PHF21A: variants seen among roughly 807,000 people sequenced by gnomAD.
The protein encoded by PHF21A is BHC80a.
PHF21A carries 11 observed loss-of-function variants against 82.5 expected under a neutral mutation model. The ratio of observed to expected loss-of-function variants is 0.13; its 90% confidence interval spans 0.08 to 0.22. The LOEUF is 0.22. PHF21A is among the 10% of genes least tolerant of loss of function. The probability of loss-of-function intolerance (pLI) is 1.00; values close to 1 mark genes in which losing one functional copy is unlikely to be tolerated. For missense variants in PHF21A, 579 were observed against 837.8 expected (o/e 0.69, Z 3.81); for synonymous variants, 297 against 302.8 (o/e 0.98, Z 0.20).
chr11:46,085,700 A>G (rs1450286729), intron 3 of PHF21A, among the ~76,000 whole-genome samples: 1 of 152,184 alleles, frequency 6.6e-6, no homozygotes, highest in Non-Finnish European at 1.5e-5. Context: ...CATGATCTTC[A>G]TATTTCTAAA....
chr11:46,072,157 A>G (rs2096663624), intron 6 of PHF21A, among the ~76,000 whole-genome samples: 1 of 152,236 alleles, frequency 6.6e-6, no homozygotes, highest in South Asian at 2.1e-4. Context: ...CTGTAATAGA[A>G]AATGCTAATT....
At chr11:46,011,850 T>C (rs2095420385) in intron 6 of PHF21A, among the ~76,000 whole-genome samples, 1 of 152,202 alleles carries the variant, frequency 6.6e-6, no homozygotes, top group African/African-American at 2.4e-5. Context: ...ATTCTCTCTA[T>C]GCAACACAAC....
chr11:45,983,773 G>A (rs2094392865), intron 6 of PHF21A, among the ~76,000 whole-genome samples: 1 of 152,082 alleles, frequency 6.6e-6, no homozygotes, highest in African/African-American at 2.4e-5. Flanking sequence ...ACTTCAGAGG[G>A]ACCCCGGATT....
intron 6 of PHF21A, among the ~76,000 whole-genome samples, chr11:46,005,947 T>A (rs903448521): frequency 2.0e-5 from 3 of 152,128 alleles, no homozygotes; most frequent in African/African-American, 7.2e-5. Flanking sequence ...AAATAAAACA[T>A]ACAATTTTAA....
chr11:46,028,053 GA>G (rs2095787747), intron 6 of PHF21A, among the ~76,000 whole-genome samples: 1 of 151,168 alleles, frequency 6.6e-6, no homozygotes, highest in Admixed American at 6.6e-5. Flanking sequence ...GCTAGTAGCT[GA>G]TTCTCTAAAT....
intron 9 of PHF21A, among the ~76,000 whole-genome samples, chr11:45,969,260 T>C (rs947141597): frequency 6.6e-5 from 10 of 152,202 alleles, no homozygotes; most frequent in African/African-American, 2.2e-4. Flanking sequence ...TTAGCCTAAT[T>C]GCTGGAAGAA....
intron 6 of PHF21A, among the ~76,000 whole-genome samples, chr11:46,006,025 T>A (rs1341383353): frequency 6.6e-6 from 1 of 152,194 alleles, no homozygotes; most frequent in African/African-American, 2.4e-5. Flanking sequence ...TGGGCTGGTC[T>A]AATATAAAAC....
chr11:46,000,385 T>C (rs2095077323), intron 6 of PHF21A, among the ~76,000 whole-genome samples: 1 of 152,210 alleles, frequency 6.6e-6, no homozygotes, highest in Non-Finnish European at 1.5e-5. Context: ...ATGATAGTAC[T>C]CATAGCACTT....
chr11:45,934,060 G>A lies in PHF21A; in HGVS notation c.1954C>T (p.Pro652Ser). 6 of 1,613,916 alleles carry A rather than the reference G, an allele frequency of 3.7e-6. No homozygotes were observed. Among genetic ancestry groups the A allele is most frequent in the Non-Finnish European group, 5.1e-6 (6 of 1,179,880 alleles). The change falls in exon 19 of 19, where the codon CCC becomes TCC. Residue 652 changes from proline (P) to serine (S), a missense_variant. Physicochemically the swap from Pro to Ser is moderately conservative, Grantham distance 74. Transcript: ENST00000676320. ...GAISNGPDCT[P>S]PANAATSTPA... ...GTGGAGGTGGCGGCATTGGCAGGGG[G>A]GGTGCAGTCCGGGCCATTGGAGATG...
intron 6 of PHF21A, among the ~76,000 whole-genome samples, chr11:46,043,912 T>A (rs771417826): frequency 6.6e-6 from 1 of 152,194 alleles, no homozygotes; most frequent in Non-Finnish European, 1.5e-5. Context: ...AAAAGATGGA[T>A]CGCAGCAACT....
chr11:46,050,398 T>C (rs1000342616), intron 6 of PHF21A, among the ~76,000 whole-genome samples: 1 of 152,222 alleles, frequency 6.6e-6, no homozygotes, highest in African/African-American at 2.4e-5. Flanking sequence ...TTCTGCTGAC[T>C]GTGAGCATGT....
intron 5 of PHF21A, among the ~76,000 whole-genome samples, chr11:46,077,982 G>A (rs1335167874): frequency 6.6e-6 from 1 of 152,086 alleles, no homozygotes; most frequent in Non-Finnish European, 1.5e-5. Context: ...CAAGATCTTG[G>A]CTCACTGCAA....
intron 6 of PHF21A, among the ~76,000 whole-genome samples, 194 bp downstream of exon 6, chr11:46,076,560 T>C (rs1323461316): frequency 6.6e-6 from 1 of 152,148 alleles, no homozygotes; most frequent in African/African-American, 2.4e-5. Context: ...CATATAACCA[T>C]GGGATACTCT....
At chr11:46,021,152 T>C (rs2095622905) in intron 6 of PHF21A, among the ~76,000 whole-genome samples, 1 of 151,638 alleles carries the variant, frequency 6.6e-6, no homozygotes, top group South Asian at 2.1e-4. Context: ...CTTGACCTTC[T>C]GAGCTCAAGT....
At chr11:45,978,761 A>G (rs1349907337) in intron 7 of PHF21A, among the ~76,000 whole-genome samples, 1 of 152,214 alleles carries the variant, frequency 6.6e-6, no homozygotes, top group Non-Finnish European at 1.5e-5. Flanking sequence ...ATCATTTGGA[A>G]TATCATTTCC....
At chr11:46,017,119 T>C (rs1267878668) in intron 6 of PHF21A, among the ~76,000 whole-genome samples, 1 of 151,998 alleles carries the variant, frequency 6.6e-6, no homozygotes, top group East Asian at 1.9e-4. Context: ...TACAGGCATG[T>C]GCCACCACAC....
At chr11:46,025,087 A>G (rs924288245) in intron 6 of PHF21A, among the ~76,000 whole-genome samples, 3 of 152,198 alleles carry the variant, frequency 2.0e-5, no homozygotes, top group African/African-American at 7.2e-5. Flanking sequence ...ATGAAAATAA[A>G]CACACACTGC....
chr11:46,060,031 C>T (rs1164252082), intron 6 of PHF21A, among the ~76,000 whole-genome samples: 1 of 152,178 alleles, frequency 6.6e-6, no homozygotes, highest in Admixed American at 6.5e-5. Flanking sequence ...GCGTGAGCCA[C>T]TGCACCCAGC....
In PHF21A at chr11:45,934,978, G is replaced by A. The variant is rs2088514703; in HGVS notation, c.1788+658C>T. On this transcript the variant is annotated intron_variant, in intron 18 of 18. Transcript: ENST00000676320. ...ACAAGGCACCACCTGGTATCCATGAGGGCTGAGGTCACTTCACTCCAACAA... is the reference window on the plus strand; with the variant it reads ...ACAAGGCACCACCTGGTATCCATGAAGGCTGAGGTCACTTCACTCCAACAA... 4 of 533,300 alleles carry A rather than the reference G, an allele frequency of 7.5e-6. No homozygotes were observed. The Admixed American group carries it at 9.5e-5, about 13-fold the overall frequency. 33.0% of individuals were successfully genotyped at this position (533,300 alleles called of 1,614,324 possible). A position where few individuals can be genotyped will look rare whatever the true frequency, so the allele number is the denominator to read the frequency against.
Sources: allele counts gnomAD v4.1 joint callset (sites outside exome capture counted in the v4.1 genomes callset), GRCh38; gene constraint gnomAD v4.1.1; transcripts MANE v1.5; gene names NCBI Gene and HGNC (gene_info 2026-07-23, HGNC 2026-07-21).